CACNA1E: variants seen among roughly 807,000 people sequenced by gnomAD.
The protein encoded by CACNA1E is voltage-dependent R-type calcium channel subunit alpha-1E.
In CACNA1E, 40 loss-of-function variants were observed where a neutral mutation model predicts 259.2. That is an observed-to-expected ratio of 0.15 (90% CI 0.12 to 0.20). The LOEUF (loss-of-function observed/expected upper bound fraction) is 0.20, where lower values mean the gene tolerates loss of function less well. Among genes scored for constraint, CACNA1E ranks in the 10% least tolerant of loss-of-function variants. The pLI, the probability that CACNA1E is intolerant of heterozygous loss-of-function variation, is 1.00. For missense variants in CACNA1E, 1,874 were observed against 3,040.1 expected (o/e 0.62, Z 9.02); for synonymous variants, 1,104 against 1,138.5 (o/e 0.97, Z 0.61).
chr1:181,692,268 C>T (rs1299208492), intron 7 of CACNA1E, among the ~76,000 whole-genome samples: 1 of 152,138 alleles, frequency 6.6e-6, no homozygotes, highest in East Asian at 1.9e-4. Context: ...AATCAAACTA[C>T]AAATGTCACT....
intron 1 of CACNA1E, among the ~76,000 whole-genome samples, chr1:181,341,359 G>C (rs768474594): frequency 3.9e-5 from 6 of 152,198 alleles, no homozygotes; most frequent in Non-Finnish European, 8.8e-5. Flanking sequence ...CATTCCTAGA[G>C]GTTGCATTGT....
intron 3 of CACNA1E, among the ~76,000 whole-genome samples, chr1:181,533,151 G>C (rs1228950711): frequency 1.3e-5 from 2 of 151,864 alleles, no homozygotes; most frequent in Non-Finnish European, 2.9e-5. Context: ...GACAGAGACA[G>C]GATATGAATA....
intron 6 of CACNA1E, among the ~76,000 whole-genome samples, chr1:181,634,960 GA>G (rs1657076928): frequency 6.6e-6 from 1 of 152,166 alleles, no homozygotes; most frequent in Non-Finnish European, 1.5e-5. Flanking sequence ...TTTCCTGCAA[GA>G]AGTCCCACAG....
intron 3 of CACNA1E, among the ~76,000 whole-genome samples, chr1:181,557,452 T>G (rs1050315984): frequency 6.6e-6 from 1 of 152,198 alleles, no homozygotes; most frequent in Non-Finnish European, 1.5e-5. Context: ...TCTGACAGCT[T>G]TAGATATTTG....
intron 2 of CACNA1E, among the ~76,000 whole-genome samples, chr1:181,417,742 G>C (rs114309060): frequency 6.6e-6 from 1 of 151,996 alleles, no homozygotes. Context: ...CTGCCAGCTC[G>C]CTCCTAGCTC....
At chr1:181,518,315 C>T (rs1572083004) in intron 3 of CACNA1E, among the ~76,000 whole-genome samples, 1 of 152,124 alleles carries the variant, frequency 6.6e-6, no homozygotes, top group African/African-American at 2.4e-5. Context: ...TTCCTCTCAG[C>T]ATCGTTGCTG....
chr1:181,555,698 A>C (rs1648644694), intron 3 of CACNA1E, among the ~76,000 whole-genome samples: 1 of 152,236 alleles, frequency 6.6e-6, no homozygotes, highest in Non-Finnish European at 1.5e-5. Flanking sequence ...GGCATTTGGA[A>C]GATGTGATCC....
At chr1:181,641,802 C>T (rs1190411015) in intron 6 of CACNA1E, among the ~76,000 whole-genome samples, 1 of 143,054 alleles carries the variant, frequency 7.0e-6, no homozygotes, top group Non-Finnish European at 1.5e-5. Context: ...CAACCTCCGT[C>T]TCCTGGGTTC....
intron 3 of CACNA1E, among the ~76,000 whole-genome samples, chr1:181,554,513 C>G (rs1012684329): frequency 6.6e-6 from 1 of 152,096 alleles, no homozygotes; most frequent in African/African-American, 2.4e-5. Flanking sequence ...AAAAAAGAAA[C>G]AAGATTAGCT....
In CACNA1E at chr1:181,530,062, C is replaced by T. The variant is rs1311127090; in HGVS notation, c.512+18552C>T. Among the ~76,000 whole-genome samples the T allele has an allele frequency of 2.8e-4, 43 of 152,208 alleles. 1 individual carries two copies. Among genetic ancestry groups the T allele is most frequent in the Admixed American group, 2.8e-3 (43 of 15,278 alleles). On this transcript the variant is annotated intron_variant, in intron 3 of 47. Coordinates refer to ENST00000367573, the MANE Select transcript of CACNA1E (RefSeq NM_001205293.3). ...TCAGTTGTATCTCCCATAATTCCCACATGTTGTGGGAGGGACCCAGGGGGA... is the reference window on the plus strand; with the variant it reads ...TCAGTTGTATCTCCCATAATTCCCATATGTTGTGGGAGGGACCCAGGGGGA...
chr1:181,654,238 C>G (rs935160072), intron 7 of CACNA1E, among the ~76,000 whole-genome samples: 2 of 145,346 alleles, frequency 1.4e-5, no homozygotes, highest in Admixed American at 1.4e-4. Context: ...TATATATATA[C>G]TTATATATAT....
intron 1 of CACNA1E, among the ~76,000 whole-genome samples, chr1:181,484,373 T>C (rs556321): frequency 0.19 from 28,856 of 152,040 alleles, 2,925 homozygotes; most frequent in African/African-American, 0.26. Context: ...CTTTCATAAT[T>C]AATTCTCATT....
At chr1:181,363,281 A>G (rs553533233) in intron 1 of CACNA1E, among the ~76,000 whole-genome samples, 5 of 152,340 alleles carry the variant, frequency 3.3e-5, no homozygotes, top group African/African-American at 1.2e-4. Flanking sequence ...CCCGCTTGTG[A>G]ATACCTGCCA....
chr1:181,759,014 G>A (rs550155155), intron 32 of CACNA1E, 146 bp downstream of exon 32: 161 of 587,970 alleles, frequency 2.7e-4, no homozygotes, highest in African/African-American at 5.8e-4. Flanking sequence ...GTAAACTGCC[G>A]TAGAGACAAG....
intron 1 of CACNA1E, among the ~76,000 whole-genome samples, chr1:181,338,049 T>C (rs1166651349): frequency 3.3e-5 from 5 of 152,198 alleles, no homozygotes; most frequent in African/African-American, 1.2e-4. Flanking sequence ...TTAATAGCCA[T>C]ACTAACAGGT....
At chr1:181,339,321 C>CT (rs566757566) in intron 1 of CACNA1E, among the ~76,000 whole-genome samples, 129 of 151,802 alleles carry the variant, frequency 8.5e-4, no homozygotes, top group Non-Finnish European at 1.2e-3. Flanking sequence ...TTATTTATGC[C>CT]TTTTTTTCAA....
At chr1:181,589,845 T>C (rs1252252159) in intron 6 of CACNA1E, among the ~76,000 whole-genome samples, 1 of 152,228 alleles carries the variant, frequency 6.6e-6, no homozygotes, top group Non-Finnish European at 1.5e-5. Flanking sequence ...TCAGAGCTCT[T>C]GATAACACAT....
intron 3 of CACNA1E, among the ~76,000 whole-genome samples, chr1:181,576,244 A>C (rs1650963108): frequency 6.6e-6 from 1 of 152,218 alleles, no homozygotes; most frequent in African/African-American, 2.4e-5. Context: ...AGTTGACAGG[A>C]ATCTCTATTG....
intron 43 of CACNA1E, among the ~76,000 whole-genome samples, chr1:181,789,506 G>A (rs1046074458): frequency 7.9e-5 from 12 of 151,538 alleles, no homozygotes; most frequent in South Asian, 2.1e-4. Context: ...TCCTAACTCC[G>A]CCACCAAGAG....
Sources: gnomAD v4.1 joint callset for allele counts (sites outside exome capture counted in the v4.1 genomes callset) on GRCh38, gnomAD v4.1.1 for gene constraint, MANE v1.5 for transcripts, NCBI Gene and HGNC (gene_info 2026-07-23, HGNC 2026-07-21) for gene names.